The following PRDM11 variants were observed in gnomAD, a reference collection of about 807,000 sequenced individuals.
PRDM11 encodes the protein PR domain-containing protein 11.
Under a neutral mutation model 97.8 loss-of-function variants are expected in PRDM11, and 20 were observed. The observed-to-expected ratio is 0.20, with a 90% CI of 0.14 to 0.30. PRDM11 has a LOEUF of 0.30. PRDM11 is among the 10% of genes least tolerant of loss of function. The pLI is 1.00. For synonymous variants in PRDM11, 599 were observed against 637.7 expected (o/e 0.94, Z 0.91); for missense variants, 1,139 against 1,555.2 (o/e 0.73, Z 4.50).
At chr11:45,114,679 A>G (rs1166143801) in intron 1 of PRDM11, among the ~76,000 whole-genome samples, 1 of 152,316 alleles carries the variant, frequency 6.6e-6, no homozygotes, top group African/African-American at 2.4e-5. Flanking sequence ...GCCAATGAAA[A>G]CAAAAACCAA....
chr11:45,202,514 G>A (rs1296004891), intron 4 of PRDM11, among the ~76,000 whole-genome samples: 1 of 152,150 alleles, frequency 6.6e-6, no homozygotes, highest in Non-Finnish European at 1.5e-5. Context: ...AAAGCTTAGT[G>A]GGAAAAAATT....
At chr11:45,225,116 C>T (rs781242756) in intron 7 of PRDM11, 73 of 1,416,134 alleles carry the variant, frequency 5.2e-5, no homozygotes, top group Non-Finnish European at 6.4e-5. Flanking sequence ...GTTCTTGACC[C>T]GTTGCCTTTC....
chr11:45,208,707 T>C (rs1205737056), intron 5 of PRDM11, among the ~76,000 whole-genome samples: 2 of 151,984 alleles, frequency 1.3e-5, no homozygotes, highest in African/African-American at 2.4e-5. Flanking sequence ...CACCCTCCCC[T>C]CCGAGGAGTA....
At chr11:45,102,564 C>G (rs1449401162) in intron 1 of PRDM11, among the ~76,000 whole-genome samples, 1 of 152,148 alleles carries the variant, frequency 6.6e-6, no homozygotes, top group Non-Finnish European at 1.5e-5. Flanking sequence ...TCTGTGGGAG[C>G]CTCCTTCACA....
upstream of PRDM11, among the ~76,000 whole-genome samples, chr11:45,142,592 G>A (rs111989389): frequency 6.6e-6 from 1 of 152,204 alleles, no homozygotes; most frequent in African/African-American, 2.4e-5. Context: ...GTAGGGGATA[G>A]TGGTTTGGGC....
chr11:45,186,811 C>T (rs180977673), intron 4 of PRDM11, among the ~76,000 whole-genome samples: 2 of 152,276 alleles, frequency 1.3e-5, no homozygotes, highest in East Asian at 1.9e-4. Context: ...GGTTGCTGCC[C>T]CTCTTGTTCT....
intron 1 of PRDM11, among the ~76,000 whole-genome samples, chr11:45,131,621 C>T (rs1186563677): frequency 6.6e-6 from 1 of 152,124 alleles, no homozygotes; most frequent in Non-Finnish European, 1.5e-5. Flanking sequence ...AAATGTCTCA[C>T]AACATGTTGA....
intron 5 of PRDM11, among the ~76,000 whole-genome samples, chr11:45,212,299 C>T (rs1476884259): frequency 6.6e-6 from 1 of 152,150 alleles, no homozygotes; most frequent in East Asian, 1.9e-4. Flanking sequence ...GGCCCACGCA[C>T]CTCAGGGATT....
At chr11:45,132,883 A>C (rs1852749429) in intron 1 of PRDM11, among the ~76,000 whole-genome samples, 1 of 152,216 alleles carries the variant, frequency 6.6e-6, no homozygotes, top group African/African-American at 2.4e-5. Flanking sequence ...CAGGGACAGC[A>C]AAGATTGAGC....
Position 45,227,976 on chromosome 11 carries a change from C to T in PRDM11, c.3351C>T (p.Ile1117=), listed in dbSNP as rs1411090323. ...TLEQLSDLLT[I]AVNGPPITNF... ...AGCAGCTTAGCGACCTGTTGACAAT[C>T]GCTGTAAACGGACCGCCAATCACCA... is the stretch of plus-strand genomic sequence containing the variant. Residue 1117 remains isoleucine (I), a synonymous_variant, in exon 8 of 8, where the codon ATC becomes ATT. Coordinates refer to ENST00000683152, the MANE Select transcript of PRDM11 (RefSeq NM_001384648.1). This position sits in a 1 kb window ranked among gnomAD's most constrained non-coding sequence, Gnocchi z 8.0. The T allele has an allele frequency of 3.9e-6, 6 of 1,533,822 alleles. No individual in the cohort carries two copies. Among genetic ancestry groups the T allele is most frequent in the East Asian group, 2.4e-5 (1 of 40,904 alleles).
chr11:45,112,801 T>G (rs1734893141), intron 1 of PRDM11, among the ~76,000 whole-genome samples: 2 of 152,032 alleles, frequency 1.3e-5, no homozygotes, highest in Admixed American at 1.3e-4. Flanking sequence ...TGTGTGTGTG[T>G]GTGTGTGTGT....
At chr11:45,209,888 G>C (rs1853657390) in intron 5 of PRDM11, among the ~76,000 whole-genome samples, 1 of 152,238 alleles carries the variant, frequency 6.6e-6, no homozygotes, top group Non-Finnish European at 1.5e-5. Context: ...AAGAAGTCCA[G>C]CGGACTAGGA....
chr11:45,212,514 G>A (rs781744731), intron 5 of PRDM11: 15 of 449,668 alleles, frequency 3.3e-5, no homozygotes, highest in South Asian at 1.4e-4. Flanking sequence ...CAGCCTCTTC[G>A]GGTGCCTCTG....
At chr11:45,194,684 C>T (rs1157693610) in intron 4 of PRDM11, among the ~76,000 whole-genome samples, 36 of 144,382 alleles carry the variant, frequency 2.5e-4, no homozygotes, top group Non-Finnish European at 3.6e-4. Context: ...CTGCAAGCTC[C>T]GCCTCCCGGG....
chr11:45,141,485 T>C (rs780485165), intron 1 of PRDM11, among the ~76,000 whole-genome samples: 30 of 152,242 alleles, frequency 2.0e-4, no homozygotes, highest in South Asian at 4.1e-4. Flanking sequence ...CAATTGGTTA[T>C]GCAGCAATAG....
chr11:45,219,558 C>G lies in PRDM11; in HGVS notation c.555-12C>G, dbSNP rs905967050. On this transcript the variant is annotated splice_polypyrimidine_tract_variant and intron_variant, in intron 5 of 7. Coordinates refer to ENST00000683152, the MANE Select transcript of PRDM11 (RefSeq NM_001384648.1). This position sits in a 1 kb window ranked among gnomAD's most constrained non-coding sequence, Gnocchi z 4.2. Reference sequence around the variant, plus strand: ...GGCCCGTGCGTTCTCACCTGTCTCCCCTCCCCACCAGGTACGTGGTCATCT... The same window carrying G: ...GGCCCGTGCGTTCTCACCTGTCTCCGCTCCCCACCAGGTACGTGGTCATCT... The G allele has an allele frequency of 1.9e-6, 3 of 1,610,342 alleles. No individual in the cohort carries two copies.
intron 4 of PRDM11, among the ~76,000 whole-genome samples, chr11:45,187,523 G>T (rs369082580): frequency 1.3e-5 from 2 of 152,328 alleles, no homozygotes; most frequent in East Asian, 3.9e-4. Flanking sequence ...CCTGGTGTTT[G>T]CAACCTGGTT....
chr11:45,216,762 C>G (rs1461462618), intron 5 of PRDM11, among the ~76,000 whole-genome samples: 1 of 152,140 alleles, frequency 6.6e-6, no homozygotes, highest in South Asian at 2.1e-4. Flanking sequence ...GGTTAGCTTT[C>G]CAAATATTGA....
chr11:45,224,141 G>T, intron 6 of PRDM11, 76 bp from the exon 7 acceptor site: 2 of 1,485,320 alleles, frequency 1.3e-6, no homozygotes, highest in South Asian at 1.4e-5. Context: ...CTAACAGGAG[G>T]CCTGCTTTGT....
Sources: gnomAD v4.1 joint callset for allele counts (sites outside exome capture counted in the v4.1 genomes callset) on GRCh38, gnomAD v4.1.1 for gene constraint, Gnocchi (gnomAD v3.1) non-coding constraint, MANE v1.5 for transcripts, NCBI Gene and HGNC (gene_info 2026-07-23, HGNC 2026-07-21) for gene names.